The following PCDH11X variants were observed in gnomAD, a reference collection of about 807,000 sequenced individuals.
PCDH11X encodes the protein protocadherin 11 X-linked, also known as protocadherin-11 X-linked.
Under a neutral mutation model 53.3 loss-of-function variants are expected in PCDH11X, and 18 were observed. The observed-to-expected ratio is 0.34, with a 90% CI of 0.23 to 0.50. The LOEUF (loss-of-function observed/expected upper bound fraction) is 0.50. Among genes scored for constraint, PCDH11X ranks in the 20% least tolerant of loss-of-function variants. The pLI is 0.98. For synonymous variants in PCDH11X, 279 were observed against 393.3 expected (o/e 0.71, Z 3.44); for missense variants, 570 against 1,032.4 (o/e 0.55, Z 6.14).
chrX:92,293,580 G>A lies in PCDH11X; in HGVS notation c.3144+30437G>A, dbSNP rs1264738161. ...GGAGCTGGCAGTAAGCCGAGATCGC[G>A]CCACTGCACTCCAGCCTGGGCGACA... On this transcript the variant is annotated intron_variant, in intron 8 of 10. Coordinates refer to ENST00000682573, the MANE Select transcript of PCDH11X (RefSeq NM_032968.5). 2.3e-4 allele frequency among the ~76,000 whole-genome samples: 23 copies of A among 101,547 alleles called. 1 individual carries two copies. The highest frequency in any genetic ancestry group is 4.3e-4 in the Non-Finnish European group (22 of 51,717). 88.2% of individuals were successfully genotyped at this position (101,547 alleles called of 115,157 possible).
At chrX:91,874,846 G>A (rs1939508213) in intron 5 of PCDH11X, among the ~76,000 whole-genome samples, 1 of 90,031 alleles carries the variant, frequency 1.1e-5, no homozygotes, top group African/African-American at 4.1e-5. Context: ...CTGAAAACCT[G>A]GTATTATTTA....
intron 7 of PCDH11X, among the ~76,000 whole-genome samples, chrX:92,215,489 G>A (rs1603193656): frequency 1.5e-5 from 1 of 67,626 alleles, no homozygotes; most frequent in East Asian, 5.0e-4. Flanking sequence ...AGGTGGCAGC[G>A]AGGCTGGGGG....
chrX:91,917,803 C>T lies in PCDH11X; in HGVS notation c.3033+38530C>T, dbSNP rs192449279. On this transcript the variant is annotated intron_variant, in intron 6 of 10. Coordinates refer to ENST00000682573, the MANE Select transcript of PCDH11X (RefSeq NM_032968.5). ...CCATCAAAGTGCCATAATCATTCTTCACAGAACCAGAAAAAAACTATCCTA... is the reference window on the plus strand; with the variant it reads ...CCATCAAAGTGCCATAATCATTCTTTACAGAACCAGAAAAAAACTATCCTA... Among the ~76,000 whole-genome samples the T allele has an allele frequency of 2.0e-4, 22 of 109,713 alleles. No homozygotes were observed. The East Asian group carries it at 4.4e-3, about 22-fold the overall frequency.
At chrX:92,530,756 G>C (rs887913337) in intron 10 of PCDH11X, among the ~76,000 whole-genome samples, 8 of 111,358 alleles carry the variant, frequency 7.2e-5, no homozygotes, top group Admixed American at 5.7e-4. Flanking sequence ...AGAAACAATT[G>C]TATTAGTCAT....
At chrX:91,865,689 G>A (rs149189142) in intron 5 of PCDH11X, among the ~76,000 whole-genome samples, 59 of 112,074 alleles carry the variant, frequency 5.3e-4, no homozygotes, top group African/African-American at 1.8e-3. Flanking sequence ...ATTGTACCGC[G>A]ACTGAGTTGG....
intron 10 of PCDH11X, among the ~76,000 whole-genome samples, chrX:92,512,120 A>T (rs1449520861): frequency 1.9e-5 from 2 of 106,153 alleles, no homozygotes; most frequent in Non-Finnish European, 3.9e-5. Flanking sequence ...ATCATTAAAG[A>T]AGCTGATTTC....
At chrX:92,135,724 G>A (rs1177122320) in intron 6 of PCDH11X, among the ~76,000 whole-genome samples, 3 of 106,504 alleles carry the variant, frequency 2.8e-5, no homozygotes, top group Non-Finnish European at 5.7e-5. Flanking sequence ...CTTTAGTCCT[G>A]TGATCATTAT....
At chrX:92,488,502 C>A (rs139927573) in intron 10 of PCDH11X, among the ~76,000 whole-genome samples, 1,410 of 110,662 alleles carry the variant, frequency 0.013, 23 homozygotes, top group African/African-American at 0.044. Flanking sequence ...TATACAAGAC[C>A]TGGACATAAT....
At chrX:92,236,599 C>T (rs1250303571) in intron 7 of PCDH11X, among the ~76,000 whole-genome samples, 2 of 110,818 alleles carry the variant, frequency 1.8e-5, no homozygotes, top group East Asian at 5.7e-4. Flanking sequence ...TTACAAAAGG[C>T]TAAAAATCAC....
At chrX:92,076,825 TG>T (rs2063780060) in intron 6 of PCDH11X, among the ~76,000 whole-genome samples, 1 of 112,321 alleles carries the variant, frequency 8.9e-6, no homozygotes, top group South Asian at 3.7e-4. Flanking sequence ...TTTTATTTTC[TG>T]GCACCAAAAA....
At chrX:92,187,860 A>G (rs755042747) in intron 6 of PCDH11X, among the ~76,000 whole-genome samples, 11 of 112,161 alleles carry the variant, frequency 9.8e-5, no homozygotes, top group Non-Finnish European at 1.7e-4. Context: ...TCTTTGTGTC[A>G]TCACAGACCT....
At chrX:92,528,145 A>G (rs2074489383) in intron 10 of PCDH11X, among the ~76,000 whole-genome samples, 2 of 112,322 alleles carry the variant, frequency 1.8e-5, no homozygotes, top group Admixed American at 1.9e-4. Context: ...TCATTTTTCT[A>G]GAACAGGAGT....
intron 8 of PCDH11X, among the ~76,000 whole-genome samples, chrX:92,301,033 C>T (rs1339161773): frequency 9.1e-6 from 1 of 110,440 alleles, no homozygotes; most frequent in Non-Finnish European, 1.9e-5. Flanking sequence ...TATGTGTGTG[C>T]CAGCAAAACA....
chrX:92,119,195 T>C (rs755426210), intron 6 of PCDH11X, among the ~76,000 whole-genome samples: 1 of 110,617 alleles, frequency 9.0e-6, no homozygotes, highest in East Asian at 2.8e-4. Context: ...AGCCTCCACA[T>C]CCCAGGCTCA....
chrX:92,004,230 G>A (rs1187760623), intron 6 of PCDH11X, among the ~76,000 whole-genome samples: 2 of 111,985 alleles, frequency 1.8e-5, no homozygotes, highest in African/African-American at 3.2e-5. Flanking sequence ...GTATTTCACT[G>A]TGGTCAGAGA....
chrX:92,325,754 A>G (rs372370616), intron 8 of PCDH11X, among the ~76,000 whole-genome samples: 1 of 110,368 alleles, frequency 9.1e-6, no homozygotes, highest in South Asian at 3.9e-4. Context: ...CCCTTAATCT[A>G]GCACTTGTCC....
chrX:92,594,228 G>A, intron 10 of PCDH11X, among the ~76,000 whole-genome samples: 2 of 107,484 alleles, frequency 1.9e-5, no homozygotes, highest in Non-Finnish European at 3.8e-5. Context: ...GTAATATCAA[G>A]TGTTTAAACA....
chrX:92,098,612 T>C (rs2064181671), intron 6 of PCDH11X, among the ~76,000 whole-genome samples: 1 of 106,388 alleles, frequency 9.4e-6, no homozygotes, highest in Admixed American at 1.0e-4. Flanking sequence ...CTGGTTGTGC[T>C]TGTCCAGTGA....
rs777980107 is a variant in PCDH11X, at chrX:92,328,291, C to T, written c.3145-59444C>T. Among the ~76,000 whole-genome samples the T allele has an allele frequency of 2.2e-3, 242 of 110,402 alleles. 1 individual carries two copies. The highest frequency in any genetic ancestry group is 7.5e-3 in the African/African-American group (229 of 30,419). On this transcript the variant is annotated intron_variant, in intron 8 of 10. Coordinates refer to ENST00000682573, the MANE Select transcript of PCDH11X (RefSeq NM_032968.5). ...TGTGAGCCCAGGGAGGTCAAGGTGG[C>T]TAGGGTCCCTGGTCAGTGATTATAG...
Sources: allele counts gnomAD v4.1 joint callset (sites outside exome capture counted in the v4.1 genomes callset), GRCh38; gene constraint gnomAD v4.1.1; transcripts MANE v1.5; gene names NCBI Gene and HGNC (gene_info 2026-07-23, HGNC 2026-07-21).